ELAVL2: variants seen among roughly 807,000 people sequenced by gnomAD.
ELAVL2 encodes the protein ELAV-like protein 2.
A neutral mutation model predicts 34.6 loss-of-function variants in ELAVL2; 4 were observed. The ratio of observed to expected loss-of-function variants is 0.12; its 90% CI spans 0.06 to 0.26. ELAVL2 has a LOEUF of 0.26. Among genes scored for constraint, ELAVL2 ranks in the 10% least tolerant of loss-of-function variants. The pLI is 1.00. For synonymous variants in ELAVL2, 193 were observed against 154.8 expected (o/e 1.25, Z -1.83); for missense variants, 432 against 442.8 (o/e 0.98, Z 0.22).
intron 3 of ELAVL2, among the ~76,000 whole-genome samples, chr9:23,705,543 G>A (rs56212739): frequency 0.18 from 27,501 of 152,200 alleles, 2,808 homozygotes; most frequent in South Asian, 0.35. Flanking sequence ...GCTGTCTTCT[G>A]TGGGGCCAAT....
chr9:23,841,878 C>A, the ELAVL2 span, among the ~76,000 whole-genome samples: 1 of 152,062 alleles, frequency 6.6e-6, no homozygotes. Flanking sequence ...GTAAATTATA[C>A]AAATGCCTGT....
At chr9:23,758,434 G>A (rs2054100952) in intron 2 of ELAVL2, among the ~76,000 whole-genome samples, 1 of 152,060 alleles carries the variant, frequency 6.6e-6, no homozygotes, top group South Asian at 2.1e-4. Context: ...TTAAATGAGT[G>A]AGATCCTTCT....
At chr9:23,738,605 G>A (rs964134712) in intron 2 of ELAVL2, among the ~76,000 whole-genome samples, 14 of 152,200 alleles carry the variant, frequency 9.2e-5, no homozygotes, top group African/African-American at 3.4e-4. Flanking sequence ...TGGCTCACTC[G>A]AAGACTCATC....
intron 1 of ELAVL2, among the ~76,000 whole-genome samples, chr9:23,807,263 T>C (rs557469908): frequency 3.0e-4 from 45 of 152,280 alleles, no homozygotes; most frequent in Non-Finnish European, 6.0e-4. Context: ...GCATTCACTG[T>C]ACTGTTTAGG....
chr9:23,721,423 A>G (rs2043681382), intron 3 of ELAVL2, among the ~76,000 whole-genome samples: 3 of 152,240 alleles, frequency 2.0e-5, no homozygotes, highest in South Asian at 4.1e-4. Context: ...TTTCTGAATT[A>G]TTAGTTTCCA....
chr9:23,779,164 C>T, intron 1 of ELAVL2: 1 of 983,098 alleles, frequency 1.0e-6, no homozygotes. Context: ...TCATGACAAA[C>T]CACAAATTGT....
the ELAVL2 span, among the ~76,000 whole-genome samples, chr9:23,839,542 G>C: frequency 1.6e-4 from 24 of 152,040 alleles, no homozygotes; most frequent in Non-Finnish European, 3.1e-4. Flanking sequence ...TCTAAATATT[G>C]GTGTCAGTCC....
At chr9:23,717,481 T>C (rs1475979289) in intron 3 of ELAVL2, among the ~76,000 whole-genome samples, 1 of 152,216 alleles carries the variant, frequency 6.6e-6, no homozygotes, top group Non-Finnish European at 1.5e-5. Context: ...AGGTTATTAC[T>C]TGATAGAATA....
intron 2 of ELAVL2, chr9:23,735,104 T>TAAAAAAAAAAAAAAA (rs1178542473): frequency 3.5e-4 from 1 of 2,882 alleles, no homozygotes; most frequent in Non-Finnish European, 7.7e-4. Flanking sequence ...CTAAGGCTCT[T>TAAAAAAAAAAAAAAA]CAAAAAAAAA....
chr9:23,820,316 G>A (rs1422127398), intron 1 of ELAVL2, among the ~76,000 whole-genome samples: 1 of 152,144 alleles, frequency 6.6e-6, no homozygotes, highest in East Asian at 1.9e-4. Context: ...ATTAGGAATA[G>A]GGCCACTAGA....
At chr9:23,777,296 A>T (rs542197426) in intron 1 of ELAVL2, among the ~76,000 whole-genome samples, 1 of 152,304 alleles carries the variant, frequency 6.6e-6, no homozygotes, top group African/African-American at 2.4e-5. Flanking sequence ...AAAGGGAACC[A>T]TGACCCTGAA....
chr9:23,716,607 T>G (rs956874685), intron 3 of ELAVL2, among the ~76,000 whole-genome samples: 1 of 152,152 alleles, frequency 6.6e-6, no homozygotes, highest in African/African-American at 2.4e-5. Flanking sequence ...AGCTTCCTCA[T>G]GCAGAGGTTA....
At chr9:23,833,970 T>C in the ELAVL2 span, among the ~76,000 whole-genome samples, 1 of 152,010 alleles carries the variant, frequency 6.6e-6, no homozygotes, top group African/African-American at 2.4e-5. Flanking sequence ...AAATGAGCAA[T>C]ACATAATCAC....
intron 1 of ELAVL2, among the ~76,000 whole-genome samples, chr9:23,792,246 A>C (rs2060409543): frequency 6.6e-6 from 1 of 152,248 alleles, no homozygotes; most frequent in African/African-American, 2.4e-5. Flanking sequence ...TATGATGTTA[A>C]GCAGGTTAAG....
chr9:23,743,180 T>C (rs574180978), intron 2 of ELAVL2, among the ~76,000 whole-genome samples: 1 of 152,266 alleles, frequency 6.6e-6, no homozygotes, highest in South Asian at 2.1e-4. Flanking sequence ...TAAGTATCAA[T>C]TTTGTTTTTG....
chr9:23,710,861 G>C (rs2040741715), intron 3 of ELAVL2, among the ~76,000 whole-genome samples: 1 of 152,138 alleles, frequency 6.6e-6, no homozygotes, highest in African/African-American at 2.4e-5. Context: ...TGGACAGGTG[G>C]CTACATCGGA....
intron 5 of ELAVL2, among the ~76,000 whole-genome samples, chr9:23,698,737 A>T (rs987916388): frequency 5.3e-5 from 8 of 152,334 alleles, no homozygotes; most frequent in Non-Finnish European, 1.0e-4. Context: ...TTTCTTTATC[A>T]GGTGAAAGAA....
intron 3 of ELAVL2, among the ~76,000 whole-genome samples, chr9:23,727,842 C>T (rs565598796): frequency 2.2e-4 from 33 of 152,134 alleles, no homozygotes; most frequent in African/African-American, 6.7e-4. Flanking sequence ...TGAGCTAATG[C>T]TATTAGGGAG....
chr9:23,704,548 C>T (rs1036104), intron 4 of ELAVL2, among the ~76,000 whole-genome samples: 7,459 of 151,872 alleles, frequency 0.049, 586 homozygotes, highest in African/African-American at 0.17. Flanking sequence ...AGCTGCATAC[C>T]GCTGCATTAA....
Sources: gnomAD v4.1 joint callset for allele counts (sites outside exome capture counted in the v4.1 genomes callset) on GRCh38, gnomAD v4.1.1 for gene constraint, MANE v1.5 for transcripts, NCBI Gene and HGNC (gene_info 2026-07-23, HGNC 2026-07-21) for gene names.